Variants in P4HA1 observed in about 807,000 individuals in gnomAD.
P4HA1 encodes the protein prolyl 4-hydroxylase subunit alpha 1.
P4HA1 carries 24 observed loss-of-function variants against 72.8 expected under a neutral mutation model. That is an observed-to-expected ratio of 0.33 (90% CI 0.24 to 0.46). The LOEUF is 0.46. Among genes scored for constraint, P4HA1 ranks in the 20% least tolerant of loss-of-function variants. The pLI, the probability that P4HA1 is intolerant of heterozygous loss-of-function variation, is 1.00. For missense variants in P4HA1, 446 were observed against 640.6 expected (o/e 0.70, Z 3.28); for synonymous variants, 201 against 218.8 (o/e 0.92, Z 0.72).
At chr10:73,050,967 TATAAA>T in intron 7 of P4HA1, 81 bp downstream of exon 7, 1 of 971,008 alleles carries the variant, frequency 1.0e-6, no homozygotes, top group Non-Finnish European at 1.6e-6. Context: ...TAGGCTTAAA[TATAAA>T]ATAACTGATT....
intron 1 of P4HA1, among the ~76,000 whole-genome samples, chr10:73,093,154 G>C (rs1842074082): frequency 6.6e-6 from 1 of 151,152 alleles, no homozygotes; most frequent in Non-Finnish European, 1.5e-5. Flanking sequence ...GTAAGGCTGA[G>C]TGTACTAATT....
chr10:73,028,999 T>C (rs1840367040), intron 10 of P4HA1, among the ~76,000 whole-genome samples: 1 of 150,550 alleles, frequency 6.6e-6, no homozygotes, highest in African/African-American at 2.4e-5. Context: ...GATCCAAGAT[T>C]GCACCACTGC....
At chr10:73,075,753 G>GTGTGTGTA (rs1369110124) in intron 1 of P4HA1, among the ~76,000 whole-genome samples, 1 of 151,540 alleles carries the variant, frequency 6.6e-6, no homozygotes. Flanking sequence ...GTGTGTGTGT[G>GTGTGTGTA]TGTGTGTATG....
intron 1 of P4HA1, among the ~76,000 whole-genome samples, chr10:73,089,517 G>A (rs1177591888): frequency 2.0e-5 from 3 of 151,990 alleles, no homozygotes; most frequent in Non-Finnish European, 1.5e-5. Flanking sequence ...ACTTGTACAT[G>A]AATGCTCATA....
At chr10:73,016,648 A>G (rs1589573865) in intron 11 of P4HA1, among the ~76,000 whole-genome samples, 198 bp downstream of exon 11, 1 of 152,188 alleles carries the variant, frequency 6.6e-6, no homozygotes, top group African/African-American at 2.4e-5. Context: ...ATGGTGGCGC[A>G]TGCCTGTGAT....
At chr10:73,058,439 C>T (rs553162190) in intron 5 of P4HA1, among the ~76,000 whole-genome samples, 34 of 152,312 alleles carry the variant, frequency 2.2e-4, no homozygotes, top group African/African-American at 8.2e-4. Context: ...AAATTACAGG[C>T]TATGACACGC....
intron 10 of P4HA1, among the ~76,000 whole-genome samples, chr10:73,028,001 C>A (rs897625548): frequency 6.6e-6 from 1 of 152,060 alleles, no homozygotes. Context: ...TTTAGCACCA[C>A]ATGTATCAAA....
chr10:73,091,702 AGT>A (rs1415404552), intron 1 of P4HA1, among the ~76,000 whole-genome samples: 1 of 152,184 alleles, frequency 6.6e-6, no homozygotes, highest in Non-Finnish European at 1.5e-5. Flanking sequence ...GTTTTACTGA[AGT>A]TCCAAAAATC....
At chr10:73,043,385 A>C (rs759547839) in intron 9 of P4HA1, among the ~76,000 whole-genome samples, 1 of 152,244 alleles carries the variant, frequency 6.6e-6, no homozygotes, top group African/African-American at 2.4e-5. Flanking sequence ...TGTGAGCTCT[A>C]AGTTACACAG....
chr10:73,031,034 A>G (rs1444431383), intron 9 of P4HA1, among the ~76,000 whole-genome samples: 1 of 151,836 alleles, frequency 6.6e-6, no homozygotes, highest in Non-Finnish European at 1.5e-5. Flanking sequence ...GAGAAATTAA[A>G]TCTTATGTCC....
chr10:73,090,116 G>C (rs1218188076), intron 1 of P4HA1, among the ~76,000 whole-genome samples: 1 of 145,942 alleles, frequency 6.9e-6, no homozygotes, highest in Admixed American at 6.8e-5. Context: ...TTACAGGTGT[G>C]AGCCACTGCG....
chr10:73,045,743 C>T (rs1246632951), intron 8 of P4HA1, among the ~76,000 whole-genome samples: 1 of 151,582 alleles, frequency 6.6e-6, no homozygotes, highest in Non-Finnish European at 1.5e-5. Flanking sequence ...TGATCAAAAA[C>T]AATCCAAATT....
intron 7 of P4HA1, 100 bp from the exon 8 acceptor site, chr10:73,047,201 C>A (rs1045933070): frequency 4.7e-6 from 4 of 854,200 alleles, no homozygotes; most frequent in Admixed American, 2.7e-5. Context: ...CTTGCATATA[C>A]AGAGTATCTC....
At position 73,053,556 on chromosome 10, in the gene P4HA1, G is replaced by C; in HGVS notation, c.498C>G (p.Asp166Glu). 2 of 1,613,870 alleles carry C rather than the reference G, an allele frequency of 1.2e-6. No homozygotes were observed. Among genetic ancestry groups the C allele is most frequent in the South Asian group, 1.1e-5 (1 of 91,008 alleles). ...VKHKSFLTAE[D>E]CFELGKVAYT... The stretch of plus-strand genomic sequence containing the variant: ...AGGCCACTTTGCCCAACTCAAAGCA[G>C]TCCTCAGCCGTTAGAAAAGATTTGT... Residue 166 changes from aspartate (D) to glutamate (E), a missense_variant, in exon 6 of 15, where the codon GAC (aspartate) becomes GAG (glutamate). Physicochemically the swap from Asp to Glu is conservative, Grantham distance 45. Coordinates refer to ENST00000394890, the MANE Select transcript of P4HA1 (RefSeq NM_001017962.3).
chr10:73,067,306 G>C (rs1841447828), intron 5 of P4HA1, among the ~76,000 whole-genome samples: 1 of 152,110 alleles, frequency 6.6e-6, no homozygotes, highest in Non-Finnish European at 1.5e-5. Context: ...ATTTGCAACA[G>C]CCTCCTCCCT....
At chr10:73,031,877 CT>C (rs1489893298) in intron 9 of P4HA1, among the ~76,000 whole-genome samples, 5 of 152,216 alleles carry the variant, frequency 3.3e-5, no homozygotes, top group Non-Finnish European at 1.5e-5. Flanking sequence ...CAGTCCTTCG[CT>C]TTCTTCACTT....
intron 10 of P4HA1, among the ~76,000 whole-genome samples, chr10:73,021,184 G>GCC (rs1564620081): frequency 6.6e-6 from 1 of 152,068 alleles, no homozygotes; most frequent in African/African-American, 2.4e-5. Flanking sequence ...TGGCAAGGAT[G>GCC]AAGAGAAAGG....
chr10:73,053,890 T>C (rs988736372), intron 5 of P4HA1, among the ~76,000 whole-genome samples: 1 of 151,864 alleles, frequency 6.6e-6, no homozygotes, highest in Admixed American at 6.6e-5. Context: ...TTCCTAACAG[T>C]AGGAATTACC....
chr10:73,035,820 T>C (rs1840557295), intron 9 of P4HA1, among the ~76,000 whole-genome samples: 1 of 152,212 alleles, frequency 6.6e-6, no homozygotes, highest in Non-Finnish European at 1.5e-5. Context: ...TTTTATTCTT[T>C]GTCAATCTTA....
Sources: gnomAD v4.1 joint callset for allele counts (sites outside exome capture counted in the v4.1 genomes callset) on GRCh38, gnomAD v4.1.1 for gene constraint, MANE v1.5 for transcripts, NCBI Gene and HGNC (gene_info 2026-07-23, HGNC 2026-07-21) for gene names.